GATAD2B: variants seen among roughly 807,000 people sequenced by gnomAD.
The protein encoded by GATAD2B is GATA zinc finger domain containing 2B, also known as transcriptional repressor p66-beta.
Under a neutral mutation model 64.3 loss-of-function variants are expected in GATAD2B, and 8 were observed. That is an observed-to-expected ratio of 0.12 (90% CI 0.07 to 0.22). The LOEUF is 0.22. GATAD2B is among the 10% of genes least tolerant of loss of function. The probability of loss-of-function intolerance (pLI) is 1.00; values close to 1 mark genes in which losing one functional copy is unlikely to be tolerated. For missense variants in GATAD2B, 453 were observed against 752.0 expected, an observed-to-expected ratio of 0.60 and a Z score of 4.65; for synonymous variants, 281 against 271.3, an observed-to-expected ratio of 1.04 and a Z score of -0.35.
At chr1:153,913,526 T>C (rs746043637) in intron 1 of GATAD2B, among the ~76,000 whole-genome samples, 8 of 152,178 alleles carry the variant, frequency 5.3e-5, no homozygotes, top group African/African-American at 1.2e-4. Flanking sequence ...CTCCTGGGAA[T>C]GCACTGAAGG....
At chr1:153,822,862 G>A (rs1308593635) in intron 2 of GATAD2B, among the ~76,000 whole-genome samples, 1 of 152,056 alleles carries the variant, frequency 6.6e-6, no homozygotes, top group African/African-American at 2.4e-5. Flanking sequence ...ACCCAGGAAG[G>A]AGTGCAGTGG....
intron 2 of GATAD2B, among the ~76,000 whole-genome samples, chr1:153,820,926 C>A (rs1339757251): frequency 1.3e-5 from 2 of 149,524 alleles, no homozygotes; most frequent in Non-Finnish European, 3.0e-5. Flanking sequence ...AGATCGCTAG[C>A]TGTCCACTTC....
Position 153,835,629 on chromosome 1 carries a change from GT to G in GATAD2B, c.-1-7282del. Among the ~76,000 whole-genome samples the G allele has an allele frequency of 3.9e-5, 6 of 152,234 alleles. No individual in the cohort carries two copies. The East Asian group carries it at 1.2e-3, about 29-fold the overall frequency. On this transcript the variant is annotated intron_variant, in intron 1 of 10. Coordinates refer to ENST00000368655, the MANE Select transcript of GATAD2B (RefSeq NM_020699.4). ...TGTTAGTACTTTTTAGCAAGAAAGT[GT>G]TTTTTATTTAAGATGTATTCATTGT...
intron 1 of GATAD2B, chr1:153,921,777 A>G (rs1678439495): frequency 6.6e-6 from 1 of 152,234 alleles, no homozygotes; most frequent in South Asian, 2.1e-4. Context: ...TGCCAGCCCT[A>G]TGAGCTAACA....
At chr1:153,878,220 G>A (rs1676895934) in intron 1 of GATAD2B, among the ~76,000 whole-genome samples, 1 of 150,156 alleles carries the variant, frequency 6.7e-6, no homozygotes, top group Admixed American at 6.7e-5. Flanking sequence ...CCAGGCTAGA[G>A]TGCAGTGGTG....
At chr1:153,843,908 G>A (rs935128156) in intron 1 of GATAD2B, among the ~76,000 whole-genome samples, 4 of 151,918 alleles carry the variant, frequency 2.6e-5, no homozygotes, top group African/African-American at 9.7e-5. Flanking sequence ...ATCCCAGAGT[G>A]ACAAGAAGCA....
chr1:153,858,577 C>G (rs1676166410), intron 1 of GATAD2B, among the ~76,000 whole-genome samples: 1 of 152,016 alleles, frequency 6.6e-6, no homozygotes. Context: ...TGCATTCCAG[C>G]CTGGGGAACA....
At chr1:153,834,293 A>C (rs1473720162) in intron 1 of GATAD2B, among the ~76,000 whole-genome samples, 1 of 151,432 alleles carries the variant, frequency 6.6e-6, no homozygotes, top group Non-Finnish European at 1.5e-5. Flanking sequence ...CATGACCACC[A>C]CGCCCAGCCA....
chr1:153,817,658 AAC>A, intron 5 of GATAD2B, 116 bp from the exon 6 acceptor site: 1 of 648,142 alleles, frequency 1.5e-6, no homozygotes, highest in Non-Finnish European at 2.5e-6. Context: ...GAAACACAGG[AAC>A]ACAGCCAGAC....
chr1:153,893,490 T>A (rs187410464), intron 1 of GATAD2B, among the ~76,000 whole-genome samples: 3 of 151,980 alleles, frequency 2.0e-5, no homozygotes, highest in East Asian at 1.9e-4. Context: ...ATGCCTGTAG[T>A]CCCAGCTACT....
chr1:153,859,594 C>G (rs1352995257), intron 1 of GATAD2B, among the ~76,000 whole-genome samples: 1 of 150,322 alleles, frequency 6.7e-6, no homozygotes. Flanking sequence ...CGCTTGAACC[C>G]AGGAGGTGGA....
In GATAD2B at chr1:153,883,697, C is replaced by G. The variant is rs1042180559; in HGVS notation, c.-2+39036G>C. ...AGTCTGCTGAATACATCTGACTGCA[C>G]TGGTCTTTTTTTTTTTTCTTTTTTA... On this transcript the variant is annotated intron_variant, in intron 1 of 10. Transcript: ENST00000368655. 5.3e-5 allele frequency among the ~76,000 whole-genome samples: 8 copies of G among 151,744 alleles called. 1 individual carries two copies. The highest frequency in any genetic ancestry group is 4.6e-4 in the Admixed American group (7 of 15,234).
intron 1 of GATAD2B, among the ~76,000 whole-genome samples, chr1:153,877,592 A>G (rs1401095850): frequency 1.3e-5 from 2 of 151,746 alleles, no homozygotes; most frequent in African/African-American, 4.9e-5. Flanking sequence ...AAAATAAAGG[A>G]TATAGCTGGA....
intron 1 of GATAD2B, among the ~76,000 whole-genome samples, chr1:153,863,153 T>C (rs1238815465): frequency 6.6e-6 from 1 of 152,182 alleles, no homozygotes; most frequent in Admixed American, 6.5e-5. Flanking sequence ...TACTAGGCAC[T>C]GTAAGAATGA....
chr1:153,876,895 C>G (rs907749079), intron 1 of GATAD2B, among the ~76,000 whole-genome samples: 3 of 151,934 alleles, frequency 2.0e-5, no homozygotes, highest in Non-Finnish European at 4.4e-5. Context: ...TTCAGCTACT[C>G]GGGAGGCTGA....
At chr1:153,879,677 C>A (rs150284367) in intron 1 of GATAD2B, among the ~76,000 whole-genome samples, 2,748 of 150,318 alleles carry the variant, frequency 0.018, 89 homozygotes, top group African/African-American at 0.065. Context: ...GCAGGAGAAT[C>A]GCTTGAACCC....
rs1017943730 is a variant in GATAD2B, at chr1:153,807,056, C to A, written c.*3121G>T. Reference sequence around the variant, plus strand: ...CTGTGGTCAAATTATAAAATAAAATCGACAAATAAGAACCTCTGTCCCCTA... The same window carrying A: ...CTGTGGTCAAATTATAAAATAAAATAGACAAATAAGAACCTCTGTCCCCTA... On this transcript the variant is annotated 3_prime_UTR_variant, in exon 11 of 11. Transcript: ENST00000368655. 6 of 152,044 alleles carry A rather than the reference C, an allele frequency of 3.9e-5. No individual in the cohort carries two copies. The highest frequency in any genetic ancestry group is 1.4e-4 in the African/African-American group (6 of 41,380). 9.4% of individuals were successfully genotyped at this position (152,044 alleles called of 1,614,324 possible).
chr1:153,898,216 G>T (rs1474311089), intron 1 of GATAD2B, among the ~76,000 whole-genome samples: 1 of 144,612 alleles, frequency 6.9e-6, no homozygotes, highest in East Asian at 2.1e-4. Flanking sequence ...TAAGGAGAGA[G>T]AGGATTGCTA....
Position 153,812,144 on chromosome 1 carries a change from C to A in GATAD2B, c.1420-12G>T. Reference sequence around the variant, plus strand: ...CGCTGTTCAATTTCCTGTTGGGAGTCATCACATCAGGTGATTGAGCAGGAC... The same window carrying A: ...CGCTGTTCAATTTCCTGTTGGGAGTAATCACATCAGGTGATTGAGCAGGAC... On this transcript the variant is annotated splice_polypyrimidine_tract_variant and intron_variant, in intron 8 of 10. Transcript: ENST00000368655. 7.1e-7 allele frequency: 1 copy of A among 1,414,290 alleles called. No individual in the cohort carries two copies. The highest frequency in any genetic ancestry group is 1.1e-5 in the South Asian group (1 of 87,016). The allele number at this position is 1,414,290 out of a possible 1,614,324, so 87.6% of individuals were successfully genotyped here.
Sources: allele counts gnomAD v4.1 joint callset (sites outside exome capture counted in the v4.1 genomes callset), GRCh38; gene constraint gnomAD v4.1.1; transcripts MANE v1.5; gene names NCBI Gene and HGNC (gene_info 2026-07-23, HGNC 2026-07-21).